Variants in DMD observed in about 807,000 individuals in gnomAD.
DMD encodes mutant dystrophin.
DMD carries 63 observed loss-of-function variants against 330.1 expected under a neutral mutation model. The ratio of observed to expected loss-of-function variants is 0.19; its 90% confidence interval spans 0.16 to 0.24. The LOEUF (loss-of-function observed/expected upper bound fraction) is 0.24, where lower values mean the gene tolerates loss of function less well. Ranked by LOEUF, DMD falls within the 10% of genes least tolerant of loss-of-function variation. The pLI is 1.00. For missense variants in DMD, 3,344 were observed against 2,684.1 expected (o/e 1.25, Z -5.43); for synonymous variants, 1,223 against 959.8 (o/e 1.27, Z -5.07).
intron 76 of DMD, 152 bp from the exon 77 acceptor site, chrX:31,134,346 T>C (rs771780391): frequency 2.1e-6 from 1 of 470,570 alleles, no homozygotes; most frequent in African/African-American, 2.4e-5. Context: ...GAGGAAGTAA[T>C]TCTTTAAAGG....
chrX:32,291,152 A>G (rs774336196), intron 42 of DMD, among the ~76,000 whole-genome samples: 26 of 112,117 alleles, frequency 2.3e-4, no homozygotes, highest in Middle Eastern at 4.6e-3. Context: ...GAATCTCAAC[A>G]GAAAATTCTG....
chrX:31,484,643 T>C (rs937443910), intron 57 of DMD, among the ~76,000 whole-genome samples: 1 of 111,963 alleles, frequency 8.9e-6, no homozygotes, highest in Admixed American at 9.5e-5. Flanking sequence ...GTTCACAAAA[T>C]AAACTTATAT....
intron 51 of DMD, among the ~76,000 whole-genome samples, chrX:31,756,320 G>A (rs771599967): frequency 9.5e-6 from 1 of 105,301 alleles, no homozygotes; most frequent in South Asian, 4.1e-4. Flanking sequence ...CTATTTTAAT[G>A]TATCATTTTT....
intron 60 of DMD, among the ~76,000 whole-genome samples, chrX:31,350,632 T>TGTGTGTGAGA (rs1156358927): frequency 1.5e-5 from 1 of 66,689 alleles, no homozygotes; most frequent in East Asian, 5.2e-4. Context: ...TGTGTGTGTG[T>TGTGTGTGAGA]GAGAGAGAGA....
chrX:32,055,215 A>C (rs1181680008), intron 44 of DMD, among the ~76,000 whole-genome samples: 2 of 111,477 alleles, frequency 1.8e-5, no homozygotes, highest in Non-Finnish European at 3.8e-5. Context: ...AGAAATTTGC[A>C]CTAGATTATC....
At chrX:32,908,714 C>A (rs2086935689) in intron 2 of DMD, among the ~76,000 whole-genome samples, 1 of 111,482 alleles carries the variant, frequency 9.0e-6, no homozygotes, top group East Asian at 2.8e-4. Flanking sequence ...CCTTACAGAC[C>A]CATTCTAAAA....
At chrX:32,765,337 G>T (rs975883311) in intron 7 of DMD, among the ~76,000 whole-genome samples, 1 of 109,667 alleles carries the variant, frequency 9.1e-6, no homozygotes, top group African/African-American at 3.3e-5. Context: ...ATGAAATCTG[G>T]TCGTTTAAAA....
At chrX:32,090,307 T>C (rs1205850175) in intron 44 of DMD, among the ~76,000 whole-genome samples, 1 of 111,615 alleles carries the variant, frequency 9.0e-6, no homozygotes, top group Non-Finnish European at 1.9e-5. Flanking sequence ...ACAGGAAAAG[T>C]GAAATTTAAC....
chrX:32,020,903 T>G (rs1263589857), intron 44 of DMD, among the ~76,000 whole-genome samples: 1 of 112,373 alleles, frequency 8.9e-6, no homozygotes, highest in East Asian at 2.8e-4. Context: ...ATACAAACCC[T>G]TAGCTCATTT....
chrX:33,174,034 CAA>C (rs200540950), intron 1 of DMD, among the ~76,000 whole-genome samples: 59 of 52,780 alleles, frequency 1.1e-3, no homozygotes, highest in Non-Finnish European at 1.2e-3. Context: ...TTGGTAACTA[CAA>C]AAAAAAAAAA....
intron 1 of DMD, among the ~76,000 whole-genome samples, chrX:33,106,048 C>CAT (rs2095284540): frequency 4.6e-5 from 1 of 21,764 alleles, no homozygotes; most frequent in African/African-American, 1.3e-4. Flanking sequence ...ATGTGAGATA[C>CAT]ACACACCACA....
intron 62 of DMD, 95 bp downstream of exon 62, chrX:31,323,499 AGGCC>A: frequency 1.4e-6 from 1 of 705,562 alleles, no homozygotes; most frequent in East Asian, 3.5e-5. Flanking sequence ...CAGGTATTGT[AGGCC>A]AGGCTAATGT....
chrX:31,983,371 C>A (rs776672986), intron 44 of DMD, among the ~76,000 whole-genome samples: 3 of 111,135 alleles, frequency 2.7e-5, no homozygotes, highest in Non-Finnish European at 5.7e-5. Context: ...TTGTTACATA[C>A]TACCCTAATC....
intron 2 of DMD, among the ~76,000 whole-genome samples, chrX:32,878,146 A>T (rs1031420381): frequency 2.7e-5 from 3 of 111,544 alleles, no homozygotes. Context: ...GAGGCCGAGG[A>T]GGGCGGATCA....
chrX:31,510,132 T>G (rs767357429), intron 55 of DMD, among the ~76,000 whole-genome samples: 168 of 112,246 alleles, frequency 1.5e-3, no homozygotes, highest in African/African-American at 5.0e-3. Context: ...CACGTACAAA[T>G]GTACCACCTT....
intron 43 of DMD, among the ~76,000 whole-genome samples, chrX:32,232,643 A>T (rs2097173060): frequency 1.8e-5 from 2 of 112,121 alleles, no homozygotes; most frequent in African/African-American, 6.5e-5. Flanking sequence ...TTTATATTCT[A>T]TCTTATTAAA....
At chrX:32,481,961 A>G (rs934172896) in intron 21 of DMD, among the ~76,000 whole-genome samples, 24 of 111,558 alleles carry the variant, frequency 2.2e-4, no homozygotes, top group Non-Finnish European at 4.3e-4. Flanking sequence ...ATGGTGTAGA[A>G]CAGAAGAGAA....
At chrX:31,896,565 G>A (rs190936831) in intron 47 of DMD, among the ~76,000 whole-genome samples, 65 of 110,253 alleles carry the variant, frequency 5.9e-4, no homozygotes, top group African/African-American at 2.1e-3. Flanking sequence ...TTTTATATTT[G>A]TCCTGTTATA....
chrX:32,135,511 G>A (rs2096720165), intron 44 of DMD, among the ~76,000 whole-genome samples: 1 of 112,115 alleles, frequency 8.9e-6, no homozygotes, highest in Admixed American at 9.4e-5. Context: ...TGGGCAGATT[G>A]CTTGAGCTCA....
Sources: gnomAD v4.1 joint callset for allele counts (sites outside exome capture counted in the v4.1 genomes callset) on GRCh38, gnomAD v4.1.1 for gene constraint, MANE v1.5 for transcripts, NCBI Gene and HGNC (gene_info 2026-07-23, HGNC 2026-07-21) for gene names.